TMEM63C: variants seen among roughly 807,000 people sequenced by gnomAD.
The protein encoded by TMEM63C is transmembrane protein 63C, also known as osmosensitive cation channel TMEM63C.
A neutral mutation model predicts 99.2 loss-of-function variants in TMEM63C; 32 were observed. The ratio of observed to expected loss-of-function variants is 0.32; its 90% CI spans 0.24 to 0.43. The LOEUF (loss-of-function observed/expected upper bound fraction) is 0.43, where lower values mean the gene tolerates loss of function less well. Ranked by LOEUF, TMEM63C falls within the 20% of genes least tolerant of loss-of-function variation. TMEM63C has a pLI of 1.00. For missense variants in TMEM63C, 826 were observed against 1,053.0 expected, an observed-to-expected ratio of 0.78 and a Z score of 2.98; for synonymous variants, 376 against 397.9, an observed-to-expected ratio of 0.94 and a Z score of 0.66.
chr14:77,248,260 T>C, intron 18 of TMEM63C, 87 bp from the exon 19 acceptor site: 2 of 1,214,962 alleles, frequency 1.6e-6, no homozygotes, highest in Non-Finnish European at 2.3e-6. Context: ...CCATTCCCTC[T>C]GCTGCTCTCC....
chr14:77,200,212 A>C (rs1349856805), intron 1 of TMEM63C, among the ~76,000 whole-genome samples: 5 of 152,128 alleles, frequency 3.3e-5, no homozygotes, highest in African/African-American at 1.2e-4. Context: ...GGCAGGAGCA[A>C]GTTCAGAGGA....
intron 2 of TMEM63C, among the ~76,000 whole-genome samples, chr14:77,214,180 T>A (rs1422534113): frequency 6.6e-6 from 1 of 152,176 alleles, no homozygotes; most frequent in Non-Finnish European, 1.5e-5. Flanking sequence ...GCTCCTTGTG[T>A]TCCAGGCATT....
intron 5 of TMEM63C, 30 bp downstream of exon 5, chr14:77,220,117 G>T: frequency 6.5e-7 from 1 of 1,546,018 alleles, no homozygotes. Flanking sequence ...TGGGCGGTGG[G>T]AGTCCCAGCA....
intron 6 of TMEM63C, among the ~76,000 whole-genome samples, chr14:77,227,284 G>A (rs955790692): frequency 2.6e-5 from 4 of 152,122 alleles, no homozygotes; most frequent in Non-Finnish European, 4.4e-5. Context: ...GACCTGAACC[G>A]GGGCAGTGAC....
intron 1 of TMEM63C, among the ~76,000 whole-genome samples, chr14:77,209,432 T>C (rs1420420680): frequency 6.6e-6 from 1 of 152,180 alleles, no homozygotes; most frequent in South Asian, 2.1e-4. Flanking sequence ...TGTCTCTGGG[T>C]AAAGGGCCTT....
chr14:77,189,327 A>G (rs1360116136), intron 1 of TMEM63C, among the ~76,000 whole-genome samples: 2 of 150,942 alleles, frequency 1.3e-5, no homozygotes, highest in East Asian at 3.9e-4. Context: ...TATGTTTCCC[A>G]ACCTGGTCAC....
At chr14:77,225,547 C>A in intron 6 of TMEM63C, 86 bp downstream of exon 6, 2 of 1,428,746 alleles carry the variant, frequency 1.4e-6, no homozygotes, top group Non-Finnish European at 9.8e-7. Context: ...CAGCCCCCAG[C>A]CTGGGAAGAC....
intron 1 of TMEM63C, among the ~76,000 whole-genome samples, chr14:77,205,688 C>G (rs775085979): frequency 6.6e-6 from 1 of 152,148 alleles, no homozygotes; most frequent in Non-Finnish European, 1.5e-5. Flanking sequence ...GGCCTTCCAT[C>G]GGCTGGAGCT....
Position 77,219,519 on chromosome 14 carries a change from T to A in TMEM63C, c.172T>A (p.Phe58Ile), listed in dbSNP as rs1207068908. ...LWVLVLVVYS[F>I]LRKAAWDYGR... ...GTAGCTCGTCCTTGTGGTTTACTCC[T>A]TCCTCCGGAAAGCTGCGTGGGACTA... Residue 58 changes from phenylalanine (F) to isoleucine (I), a missense_variant, in exon 4 of 24, where the codon TTC (phenylalanine) becomes ATC (isoleucine). Phe to Ile is a conservative substitution (Grantham distance 21). Coordinates refer to ENST00000298351, the MANE Select transcript of TMEM63C (RefSeq NM_020431.4). 1.2e-6 allele frequency: 2 copies of A among 1,613,974 alleles called. No individual in the cohort carries two copies. The highest frequency in any genetic ancestry group is 1.7e-6 in the Non-Finnish European group (2 of 1,179,892).
intron 8 of TMEM63C, among the ~76,000 whole-genome samples, chr14:77,233,952 G>T (rs1188981674): frequency 6.6e-6 from 1 of 152,058 alleles, no homozygotes; most frequent in African/African-American, 2.4e-5. Context: ...ACTGGCCCTA[G>T]GTCTGAAGCA....
chr14:77,194,569 G>GTCTTTCTT (rs1386740193), intron 1 of TMEM63C, among the ~76,000 whole-genome samples: 2 of 85,776 alleles, frequency 2.3e-5, no homozygotes, highest in South Asian at 3.6e-4. Flanking sequence ...CTTTCTTTCT[G>GTCTTTCTT]TCTTTCTTTC....
intron 2 of TMEM63C, among the ~76,000 whole-genome samples, chr14:77,215,365 C>T (rs1888560950): frequency 6.6e-6 from 1 of 151,958 alleles, no homozygotes; most frequent in Admixed American, 6.6e-5. Context: ...CTTTGGGAGG[C>T]CGAGGTGGGT....
intron 6 of TMEM63C, among the ~76,000 whole-genome samples, chr14:77,226,344 T>C (rs413271): frequency 0.18 from 27,009 of 152,088 alleles, 2,657 homozygotes; most frequent in Non-Finnish European, 0.22. Flanking sequence ...ATCCAGCAGC[T>C]CTTGAGAGCA....
At chr14:77,194,332 ATATATGTGTGTGTGTGTG>A (rs1246211159) in intron 1 of TMEM63C, among the ~76,000 whole-genome samples, 1 of 59,350 alleles carries the variant, frequency 1.7e-5, no homozygotes, top group African/African-American at 5.9e-5. Context: ...ATAGATATAT[ATATATGTGTGTGTGTGTG>A]TGTGTGTGTG....
chr14:77,237,001 C>T (rs1157801645), intron 9 of TMEM63C, among the ~76,000 whole-genome samples: 1 of 82,532 alleles, frequency 1.2e-5, no homozygotes, highest in Non-Finnish European at 2.3e-5. Context: ...TCACCCTCCT[C>T]CACGCTGCTC....
chr14:77,254,678 G>T (rs935190609), intron 23 of TMEM63C, among the ~76,000 whole-genome samples: 2 of 152,126 alleles, frequency 1.3e-5, no homozygotes, highest in African/African-American at 4.8e-5. Context: ...ACCAAGCAAG[G>T]GAGTGTCAGG....
At chr14:77,208,917 G>A (rs533469004) in intron 1 of TMEM63C, among the ~76,000 whole-genome samples, 1 of 152,280 alleles carries the variant, frequency 6.6e-6, no homozygotes, top group East Asian at 1.9e-4. Flanking sequence ...ACCCAGCCAG[G>A]GGCAGCGGGA....
intron 2 of TMEM63C, among the ~76,000 whole-genome samples, chr14:77,215,614 A>AAAAAAGAAAAGAAAAGAAAAG (rs772701077): frequency 0.13 from 9,945 of 76,496 alleles, 1,059 homozygotes; most frequent in Non-Finnish European, 0.18. Flanking sequence ...AAAAAAAAAA[A>AAAAAAGAAAAGAAAAGAAAAG]AAAAGAAAAG....
chr14:77,197,034 C>A (rs1178765207), intron 1 of TMEM63C, among the ~76,000 whole-genome samples: 1 of 152,202 alleles, frequency 6.6e-6, no homozygotes, highest in African/African-American at 2.4e-5. Context: ...AGGTTAGCAT[C>A]TAAGTGAGGC....
Sources: allele counts gnomAD v4.1 joint callset (sites outside exome capture counted in the v4.1 genomes callset), GRCh38; gene constraint gnomAD v4.1.1; transcripts MANE v1.5; gene names NCBI Gene and HGNC (gene_info 2026-07-23, HGNC 2026-07-21).